The following FAR2 variants were observed in gnomAD, a reference collection of about 807,000 sequenced individuals.
FAR2 encodes epididymis secretory protein Li 81.
A neutral mutation model predicts 56.0 loss-of-function variants in FAR2; 19 were observed. The ratio of observed to expected loss-of-function variants is 0.34; its 90% confidence interval spans 0.24 to 0.50. FAR2 has a LOEUF of 0.50. Among genes scored for constraint, FAR2 ranks in the 20% least tolerant of loss-of-function variants. The pLI is 0.98. For synonymous variants in FAR2, 219 were observed against 218.8 expected (o/e 1.00, Z -0.01); for missense variants, 508 against 642.2 (o/e 0.79, Z 2.26).
intron 1 of FAR2, among the ~76,000 whole-genome samples, chr12:29,200,899 A>G (rs1231437920): frequency 6.6e-6 from 1 of 152,168 alleles, no homozygotes; most frequent in Non-Finnish European, 1.5e-5. Flanking sequence ...GCCAGTCGCA[A>G]CTGTTTACAG....
intron 1 of FAR2, among the ~76,000 whole-genome samples, chr12:29,251,769 C>T (rs1179348843): frequency 1.3e-5 from 2 of 152,050 alleles, no homozygotes; most frequent in Non-Finnish European, 2.9e-5. Context: ...AGACCAATAC[C>T]ACCATCACGG....
chr12:29,270,117 A>C (rs1181163323), intron 1 of FAR2, among the ~76,000 whole-genome samples: 1 of 152,192 alleles, frequency 6.6e-6, no homozygotes, highest in African/African-American at 2.4e-5. Flanking sequence ...TATTGTATTT[A>C]ACAGTCTCTT....
At chr12:29,315,357 G>C (rs528975142) in intron 8 of FAR2, among the ~76,000 whole-genome samples, 194 of 152,296 alleles carry the variant, frequency 1.3e-3, no homozygotes, top group African/African-American at 4.5e-3. Context: ...AAGTCAGAGT[G>C]GTGGGCAGAG....
intron 1 of FAR2, among the ~76,000 whole-genome samples, chr12:29,268,726 T>C (rs2136704262): frequency 6.6e-6 from 1 of 152,256 alleles, no homozygotes; most frequent in Non-Finnish European, 1.5e-5. Flanking sequence ...CCCCGTAGGT[T>C]CTTTTCTATT....
At chr12:29,286,864 A>C (rs184002045) in intron 2 of FAR2, among the ~76,000 whole-genome samples, 1 of 152,308 alleles carries the variant, frequency 6.6e-6, no homozygotes, top group Non-Finnish European at 1.5e-5. Context: ...ACAGAATACG[A>C]TTTTAAATGC....
intron 11 of FAR2, 82 bp from the exon 12 acceptor site, chr12:29,333,550 C>G: frequency 7.6e-7 from 1 of 1,308,708 alleles, no homozygotes; most frequent in Non-Finnish European, 1.1e-6. Flanking sequence ...CAGTCATATC[C>G]AGGAAAACAC....
At chr12:29,286,071 ACACAC>A (rs1376193132) in intron 2 of FAR2, among the ~76,000 whole-genome samples, 1 of 34,834 alleles carries the variant, frequency 2.9e-5, no homozygotes, top group Non-Finnish European at 6.2e-5. Context: ...ACAGACACAC[ACACAC>A]ACACACACAC....
rs916739193 is a variant in FAR2 at position 29,172,742 on chromosome 12, C to A, written c.-39+23335C>A. Among the ~76,000 whole-genome samples the A allele has an allele frequency of 2.0e-5, 3 of 152,168 alleles. No homozygotes were observed. In the South Asian group the frequency reaches 6.2e-4, roughly 32 times the overall value. Reference sequence around the variant, plus strand: ...ACAGGGGAGTATATTTTCTTAAGGCCTCCCGTAGCCGCTCGAGGAAGGCAG... The same window carrying A: ...ACAGGGGAGTATATTTTCTTAAGGCATCCCGTAGCCGCTCGAGGAAGGCAG... On this transcript the variant is annotated intron_variant, in intron 1 of 11. Transcript: ENST00000536681.
chr12:29,284,658 C>A (rs1431540253), intron 2 of FAR2, among the ~76,000 whole-genome samples: 1 of 152,112 alleles, frequency 6.6e-6, no homozygotes, highest in Non-Finnish European at 1.5e-5. Context: ...TTATTGAATC[C>A]TTTTGAGACT....
intron 1 of FAR2, among the ~76,000 whole-genome samples, chr12:29,169,872 G>A (rs1314052817): frequency 6.6e-6 from 1 of 152,196 alleles, no homozygotes; most frequent in Non-Finnish European, 1.5e-5. Flanking sequence ...ATAAGTAGGG[G>A]TATTAGTTGT....
chr12:29,287,538 TAC>T (rs1206625355), intron 2 of FAR2, among the ~76,000 whole-genome samples: 2 of 152,150 alleles, frequency 1.3e-5, no homozygotes, highest in African/African-American at 4.8e-5. Context: ...TAAAAAAAAT[TAC>T]AGTGTCTCTT....
At chr12:29,274,345 C>T (rs1204532816) in intron 2 of FAR2, among the ~76,000 whole-genome samples, 1 of 151,994 alleles carries the variant, frequency 6.6e-6, no homozygotes, top group African/African-American at 2.4e-5. Context: ...TTTCCAGCTT[C>T]ATCCGTGTCC....
At chr12:29,211,426 T>G (rs2136629013) in intron 1 of FAR2, among the ~76,000 whole-genome samples, 1 of 152,352 alleles carries the variant, frequency 6.6e-6, no homozygotes, top group South Asian at 2.1e-4. Flanking sequence ...ATATACATTA[T>G]TATATTTGAC....
chr12:29,273,073 C>T (rs768417772), intron 2 of FAR2, among the ~76,000 whole-genome samples: 8 of 152,112 alleles, frequency 5.3e-5, no homozygotes, highest in Non-Finnish European at 1.2e-4. Context: ...TAGGATTGCT[C>T]CTGTATAGAG....
chr12:29,242,051 A>G (rs181303933), intron 1 of FAR2, among the ~76,000 whole-genome samples: 125 of 152,306 alleles, frequency 8.2e-4, no homozygotes, highest in African/African-American at 2.9e-3. Context: ...CCTTGCCTCA[A>G]ATGTTTGCAA....
intron 1 of FAR2, among the ~76,000 whole-genome samples, chr12:29,217,904 A>G (rs933122870): frequency 7.2e-5 from 11 of 152,202 alleles, no homozygotes; most frequent in African/African-American, 2.4e-4. Flanking sequence ...GTGTTAAAGA[A>G]ATTAATAGAA....
At chr12:29,175,459 G>T (rs1036291380) in intron 1 of FAR2, among the ~76,000 whole-genome samples, 2 of 152,248 alleles carry the variant, frequency 1.3e-5, no homozygotes, top group African/African-American at 4.8e-5. Context: ...GACCCAAAGA[G>T]TGAGCAGCAG....
At chr12:29,271,245 A>G (rs77597035) in intron 2 of FAR2, among the ~76,000 whole-genome samples, 1 of 152,238 alleles carries the variant, frequency 6.6e-6, no homozygotes, top group East Asian at 1.9e-4. Flanking sequence ...CGGAAAAAAA[A>G]GACATTATGC....
At chr12:29,329,950 G>C (rs1021918895) in intron 10 of FAR2, among the ~76,000 whole-genome samples, 9 of 152,058 alleles carry the variant, frequency 5.9e-5, no homozygotes, top group Non-Finnish European at 7.4e-5. Flanking sequence ...ATTTGTTCTT[G>C]AGCTTTCTGG....
Sources: gnomAD v4.1 joint callset for allele counts (sites outside exome capture counted in the v4.1 genomes callset) on GRCh38, gnomAD v4.1.1 for gene constraint, MANE v1.5 for transcripts, NCBI Gene and HGNC (gene_info 2026-07-23, HGNC 2026-07-21) for gene names.